The following LRP1B variants were observed in gnomAD, a reference collection of about 807,000 sequenced individuals.
LRP1B encodes low-density lipoprotein receptor-related protein 1B.
In LRP1B, 217 loss-of-function variants were observed where a neutral mutation model predicts 556.6. That is an observed-to-expected ratio of 0.39 (90% CI 0.35 to 0.44). LRP1B has a LOEUF of 0.44. LRP1B is among the 20% of genes least tolerant of loss of function. The pLI is 1.00. For missense variants in LRP1B, 5,053 were observed against 5,620.8 expected, an observed-to-expected ratio of 0.90 and a Z score of 3.23; for synonymous variants, 2,047 against 1,865.8, an observed-to-expected ratio of 1.10 and a Z score of -2.50.
intron 3 of LRP1B, among the ~76,000 whole-genome samples, chr2:141,322,585 A>C (rs115415000): frequency 1.2e-4 from 19 of 152,106 alleles, no homozygotes; most frequent in African/African-American, 4.3e-4. Context: ...CACAATTAAG[A>C]ATCTCTCTCT....
chr2:140,939,032 A>T (rs1214182820), intron 20 of LRP1B, among the ~76,000 whole-genome samples: 1 of 152,012 alleles, frequency 6.6e-6, no homozygotes, highest in Non-Finnish European at 1.5e-5. Context: ...AAATGTACAA[A>T]CTCGATTGAT....
At chr2:141,135,985 T>A (rs1701482161) in intron 7 of LRP1B, among the ~76,000 whole-genome samples, 1 of 151,916 alleles carries the variant, frequency 6.6e-6, no homozygotes, top group South Asian at 2.1e-4. Flanking sequence ...TGATTCAATT[T>A]TACTGCATAC....
chr2:141,074,589 C>CTCTCTATATA lies in LRP1B; in HGVS notation c.1014-12317_1014-12316insTATATAGAGA, dbSNP rs10643830. ...TCTCTGTCTCTCTCTCTCTCTCTCT[C>CTCTCTATATA]TATATATATATATATATGTTTTTTA... On this transcript the variant is annotated intron_variant, in intron 7 of 90. Coordinates refer to ENST00000389484, the MANE Select transcript of LRP1B (RefSeq NM_018557.3). Among the ~76,000 whole-genome samples the CTCTCTATATA allele has an allele frequency of 6.3e-3, 866 of 136,422 alleles. 4 individuals carry two copies. The highest frequency in any genetic ancestry group is 0.013 in the African/African-American group (492 of 36,958). The allele number at this position is 136,422 out of a possible 152,430, so 89.5% of individuals were successfully genotyped here. A position where few individuals can be genotyped will look rare whatever the true frequency, so the allele number is the denominator to read the frequency against.
At chr2:140,305,331 T>C (rs1573762302) in intron 83 of LRP1B, among the ~76,000 whole-genome samples, 1 of 152,324 alleles carries the variant, frequency 6.6e-6, no homozygotes, top group East Asian at 1.9e-4. Flanking sequence ...TTTTATTTTG[T>C]TGAGCAGTGG....
intron 2 of LRP1B, among the ~76,000 whole-genome samples, chr2:141,576,010 CCATTGTGGAAGA>C (rs1225831672): frequency 6.6e-6 from 1 of 152,118 alleles, no homozygotes; most frequent in Admixed American, 6.5e-5. Flanking sequence ...ATTCGTTCAA[CCATTGTGGAAGA>C]CATTGTGGAA....
In LRP1B at chr2:141,219,347, C is replaced by T. The variant is rs144372769; in HGVS notation, c.850+9836G>A. Among the ~76,000 whole-genome samples, 15 of 152,318 alleles carry T rather than the reference C, an allele frequency of 9.8e-5. No homozygotes were observed. In the East Asian group the frequency reaches 2.7e-3, roughly 27 times the overall value. ...GCTGTGGCAGATCACGGCAAGATTG[C>T]TCCTTTAGCTGGGACCAGATCCATC... On this transcript the variant is annotated intron_variant, in intron 6 of 90. Transcript: ENST00000389484.
chr2:140,944,615 A>G (rs531208021), intron 20 of LRP1B, among the ~76,000 whole-genome samples: 1 of 152,274 alleles, frequency 6.6e-6, no homozygotes, highest in African/African-American at 2.4e-5. Context: ...AACATACTCA[A>G]ATCAATAAAT....
At position 140,496,776 on chromosome 2, in the gene LRP1B, C is replaced by T. The variant is rs111471462; in HGVS notation, c.8851-1028G>A. 5.3e-3 allele frequency among the ~76,000 whole-genome samples: 803 copies of T among 151,704 alleles called. 11 individuals carry two copies. Among genetic ancestry groups the T allele is most frequent in the African/African-American group, 0.018 (747 of 41,368 alleles). On this transcript the variant is annotated intron_variant, in intron 55 of 90. Coordinates refer to ENST00000389484, the MANE Select transcript of LRP1B (RefSeq NM_018557.3). ...TGATCACAGACTGATTAGTTGTCTT[C>T]GAATAAAGGAAATTGTAAGTATTGA... is the stretch of plus-strand genomic sequence containing the variant.
intron 1 of LRP1B, among the ~76,000 whole-genome samples, chr2:142,076,963 T>C (rs976046537): frequency 6.6e-6 from 1 of 152,048 alleles, no homozygotes; most frequent in African/African-American, 2.4e-5. Context: ...GAAGATACAG[T>C]GTGTCACAGA....
intron 3 of LRP1B, among the ~76,000 whole-genome samples, chr2:141,437,081 A>C (rs980772363): frequency 1.3e-5 from 2 of 152,146 alleles, no homozygotes; most frequent in African/African-American, 2.4e-5. Flanking sequence ...ATACTCTATC[A>C]CTAAAGCACA....
intron 11 of LRP1B, among the ~76,000 whole-genome samples, chr2:141,041,099 A>G (rs1396419385): frequency 6.6e-6 from 1 of 152,074 alleles, no homozygotes; most frequent in Non-Finnish European, 1.5e-5. Flanking sequence ...AGAGTAATGT[A>G]TAATTTTGAA....
intron 41 of LRP1B, among the ~76,000 whole-genome samples, chr2:140,634,044 T>A (rs1683988000): frequency 6.6e-6 from 1 of 152,044 alleles, no homozygotes; most frequent in African/African-American, 2.4e-5. Flanking sequence ...GCTGTAAAAA[T>A]TGTCAATAAA....
At chr2:140,430,679 T>G (rs1685891944) in intron 66 of LRP1B, among the ~76,000 whole-genome samples, 1 of 152,172 alleles carries the variant, frequency 6.6e-6, no homozygotes, top group Non-Finnish European at 1.5e-5. Flanking sequence ...AATATCTCCT[T>G]TCAGCCTCAC....
intron 7 of LRP1B, among the ~76,000 whole-genome samples, chr2:141,073,025 C>A (rs1699688636): frequency 6.6e-6 from 1 of 152,098 alleles, no homozygotes; most frequent in Non-Finnish European, 1.5e-5. Context: ...TACTAAATGT[C>A]ATATTCAGCA....
chr2:142,053,046 G>T (rs1216819736), intron 1 of LRP1B, among the ~76,000 whole-genome samples: 1 of 152,050 alleles, frequency 6.6e-6, no homozygotes. Flanking sequence ...AATAAAAAGT[G>T]CCCTAGTCTG....
At chr2:142,073,429 G>T (rs1705394013) in intron 1 of LRP1B, among the ~76,000 whole-genome samples, 1 of 151,958 alleles carries the variant, frequency 6.6e-6, no homozygotes. Flanking sequence ...ATCATTAATT[G>T]TTCACATTTA....
At chr2:141,396,304 A>G (rs1199406140) in intron 3 of LRP1B, among the ~76,000 whole-genome samples, 1 of 152,222 alleles carries the variant, frequency 6.6e-6, no homozygotes, top group African/African-American at 2.4e-5. Context: ...ATGAAAAAGA[A>G]TACATTGTTG....
intron 35 of LRP1B, among the ~76,000 whole-genome samples, chr2:140,725,873 A>C (rs564964672): frequency 1.0e-3 from 153 of 152,152 alleles, no homozygotes; most frequent in Admixed American, 1.9e-3. Context: ...TTTCCAAAGA[A>C]AAACTCTTTC....
intron 7 of LRP1B, among the ~76,000 whole-genome samples, chr2:141,074,469 T>A (rs1699727801): frequency 6.6e-6 from 1 of 151,756 alleles, no homozygotes; most frequent in African/African-American, 2.4e-5. Flanking sequence ...TGAAGCAGAC[T>A]ACAACCTCCA....
Sources: gnomAD v4.1 joint callset for allele counts (sites outside exome capture counted in the v4.1 genomes callset) on GRCh38, gnomAD v4.1.1 for gene constraint, MANE v1.5 for transcripts, NCBI Gene and HGNC (gene_info 2026-07-23, HGNC 2026-07-21) for gene names.